Variants in TMEM223 observed in about 807,000 individuals in gnomAD.
TMEM223 encodes the protein transmembrane protein 223.
Under a neutral mutation model 14.1 loss-of-function variants are expected in TMEM223, and 14 were observed. That is an observed-to-expected ratio of 0.99 (90% CI 0.66 to 1.55). The LOEUF is 1.55. Among genes scored for constraint, TMEM223 ranks in the 40% most tolerant of loss-of-function variants. The pLI is 0.00. For missense variants in TMEM223, 346 were observed against 269.9 expected (o/e 1.28, Z -1.97); for synonymous variants, 145 against 120.5 (o/e 1.20, Z -1.33).
At chr11:62,786,253 C>T (rs771164669), downstream of TMEM223, 3 of 1,609,222 alleles carry the variant, frequency 1.9e-6, no homozygotes, top group Admixed American at 3.3e-5. Flanking sequence ...CCTTCTCTTC[C>T]TTCCAGGCAG....
downstream of TMEM223, chr11:62,787,266 C>G (rs1031484637): frequency 2.6e-6 from 4 of 1,561,526 alleles, no homozygotes; most frequent in Non-Finnish European, 3.4e-6. Context: ...GGTGGGCGCT[C>G]TCGGACTACT....
intron 2 of TMEM223, among the ~76,000 whole-genome samples, chr11:62,773,772 G>A (rs1465054918): frequency 1.3e-5 from 2 of 152,174 alleles, no homozygotes; most frequent in Non-Finnish European, 2.9e-5. Context: ...CTGGTTTGGA[G>A]GCAGAATGCA....
At chr11:62,781,766 G>T in intron 1 of TMEM223, 1 of 814,180 alleles carries the variant, frequency 1.2e-6, no homozygotes, top group Non-Finnish European at 2.1e-6. Context: ...AGAATTGCTA[G>T]ATCAAAGAAT....
chr11:62,791,810 A>G lies in TMEM223; in HGVS notation c.185T>C (p.Met62Thr). The G allele has an allele frequency of 1.9e-6, 3 of 1,582,194 alleles. No homozygotes were observed. The highest frequency in any genetic ancestry group is 1.7e-4 in the Middle Eastern group (1 of 6,016). ...CAGQGVFWAS[M>T]AVAAVSRPPV... ...GGGCCGGGACACGGCTGCCACAGCC[A>G]TGGAAGCCCAGAAGACGCCCTGGCC... is the stretch of plus-strand genomic sequence containing the variant. The change falls in exon 1 of 2, where the codon ATG (methionine) becomes ACG (threonine). Residue 62 changes from methionine (M) to threonine (T), a missense_variant. Transcript: ENST00000307366.
intron 2 of TMEM223, among the ~76,000 whole-genome samples, chr11:62,772,781 G>A (rs1281763489): frequency 6.7e-6 from 1 of 148,532 alleles, no homozygotes; most frequent in African/African-American, 2.5e-5. Flanking sequence ...CTGGGTGACA[G>A]AGTGAGACAT....
downstream of TMEM223, chr11:62,787,200 C>A: frequency 1.3e-6 from 2 of 1,588,916 alleles, no homozygotes; most frequent in South Asian, 1.1e-5. Flanking sequence ...CTAGCCCGGC[C>A]TCGCGCTACG....
intron 1 of TMEM223, 125 bp from the exon 2 acceptor site, chr11:62,791,040 TGAGAC>T: frequency 9.7e-7 from 1 of 1,029,272 alleles, no homozygotes. Context: ...CTTTTTTTTT[TGAGAC>T]TGAGTCTCAC....
chr11:62,782,686 C>T (rs201773748), downstream of TMEM223: 6 of 1,611,498 alleles, frequency 3.7e-6, no homozygotes, highest in African/African-American at 5.3e-5. Flanking sequence ...GAATGGTGCT[C>T]CCACAGGACT....
At position 62,790,550 on chromosome 11, in the gene TMEM223, CCAACA is replaced by C; in HGVS notation, c.*68_*72del. 1 of 1,394,218 alleles carries C rather than the reference CCAACA, an allele frequency of 7.2e-7. No individual in the cohort carries two copies. The highest frequency in any genetic ancestry group is 9.8e-7 in the Non-Finnish European group (1 of 1,024,962). The allele number at this position is 1,394,218 out of a possible 1,614,324, so 86.4% of individuals were successfully genotyped here. A position where few individuals can be genotyped will look rare whatever the true frequency, so the allele number is the denominator to read the frequency against. On this transcript the variant is annotated 3_prime_UTR_variant, in exon 2 of 2. Coordinates refer to ENST00000307366, the MANE Select transcript of TMEM223 (RefSeq NM_001080501.3). ...GTGCTGGGATTACAACAGGTGTGAACCAACACACCTGGCTCCCCAAGGTTCAGTTT... is the reference window on the plus strand; with the variant it reads ...GTGCTGGGATTACAACAGGTGTGAACCACCTGGCTCCCCAAGGTTCAGTTT...
chr11:62,772,384 A>G (rs1023119423), intron 2 of TMEM223, among the ~76,000 whole-genome samples: 4 of 152,026 alleles, frequency 2.6e-5, no homozygotes, highest in African/African-American at 7.2e-5. Context: ...TTAGCTGGGC[A>G]TGGCGGCGTA....
Position 62,790,209 on chromosome 11 carries a change from T to C in TMEM223, c.*414A>G. Reference sequence around the variant, plus strand: ...CCCCCTCCACCTCTTCCTGCAGCTGTTTTTGTACCAAAATATTATATTACT... The same window carrying C: ...CCCCCTCCACCTCTTCCTGCAGCTGCTTTTGTACCAAAATATTATATTACT... On this transcript the variant is annotated 3_prime_UTR_variant, in exon 2 of 2. Coordinates refer to ENST00000307366, the MANE Select transcript of TMEM223 (RefSeq NM_001080501.3). 1 of 763,304 alleles carries C rather than the reference T, an allele frequency of 1.3e-6. No homozygotes were observed. The highest frequency in any genetic ancestry group is 2.0e-6 in the Non-Finnish European group (1 of 496,548). The allele number at this position is 763,304 out of a possible 1,614,324, so 47.3% of individuals were successfully genotyped here.
chr11:62,777,347 A>G (rs1199546766), intron 1 of TMEM223, among the ~76,000 whole-genome samples: 1 of 152,146 alleles, frequency 6.6e-6, no homozygotes, highest in Non-Finnish European at 1.5e-5. Context: ...AAAGAAAAAA[A>G]GACTAAACGC....
downstream of TMEM223, among the ~76,000 whole-genome samples, chr11:62,784,901 C>G (rs773675869): frequency 1.3e-5 from 2 of 152,206 alleles, no homozygotes; most frequent in African/African-American, 2.4e-5. Context: ...CTCTCATGTA[C>G]TGTCCTTGTC....
chr11:62,787,791 T>C, downstream of TMEM223: 1 of 676,716 alleles, frequency 1.5e-6, no homozygotes. Flanking sequence ...TCGGGTTTCG[T>C]GGCTCCTGCT....
intron 1 of TMEM223, chr11:62,775,962 C>T: frequency 6.4e-7 from 1 of 1,573,952 alleles, no homozygotes; most frequent in Non-Finnish European, 8.6e-7. Context: ...ATACCTCCAA[C>T]TTTCCTTGTT....
In TMEM223 at chr11:62,790,867, C is replaced by G; in HGVS notation, c.365G>C (p.Arg122Pro). ...CCCTCCAGCTCGAAGCACCACTGAG[C>G]GCACAGACCGGAGAGAGAAGAGAAG... The part of the protein sequence containing the change: ...AGLLFSLRSV[R>P]SVVLRAGGQQ... Residue 122 changes from arginine to proline, a missense_variant, in exon 2 of 2, where the codon CGC becomes CCC. Arg to Pro is a moderately radical substitution (Grantham distance 103). Transcript: ENST00000307366. 6.2e-7 allele frequency: 1 copy of G among 1,603,894 alleles called. No homozygotes were observed. The highest frequency in any genetic ancestry group is 8.5e-7 in the Non-Finnish European group (1 of 1,174,648).
At chr11:62,783,494 AAGTT>A, downstream of TMEM223, among the ~76,000 whole-genome samples, 1 of 151,726 alleles carries the variant, frequency 6.6e-6, no homozygotes, top group Non-Finnish European at 1.5e-5. Context: ...AAAAAAAAAA[AAGTT>A]AGGTGTTGCC....
downstream of TMEM223, chr11:62,789,250 T>C (rs1316738061): frequency 6.2e-7 from 1 of 1,613,942 alleles, no homozygotes; most frequent in East Asian, 2.2e-5. Context: ...TGAGGTAGGA[T>C]GAGCCTCACC....
downstream of TMEM223, among the ~76,000 whole-genome samples, chr11:62,788,357 CG>C (rs2084313859): frequency 6.7e-6 from 1 of 148,894 alleles, no homozygotes; most frequent in African/African-American, 2.5e-5. Flanking sequence ...GAGTCGAGAT[CG>C]TGCCATTGCA....
Sources: allele counts gnomAD v4.1 joint callset (sites outside exome capture counted in the v4.1 genomes callset), GRCh38; gene constraint gnomAD v4.1.1; transcripts MANE v1.5; gene names NCBI Gene and HGNC (gene_info 2026-07-23, HGNC 2026-07-21).